Variants in SERTAD4 observed in about 807,000 individuals in gnomAD.
SERTAD4 encodes the protein SERTA domain-containing protein 4.
Under a neutral mutation model 32.9 loss-of-function variants are expected in SERTAD4, and 18 were observed. The ratio of observed to expected loss-of-function variants is 0.55; its 90% CI spans 0.38 to 0.81. The LOEUF is 0.81. Among genes scored for constraint, SERTAD4 ranks in the 30% least tolerant of loss-of-function variants. The probability of loss-of-function intolerance (pLI) is 0.00; values close to 1 mark genes in which losing one functional copy is unlikely to be tolerated. For synonymous variants in SERTAD4, 150 were observed against 156.4 expected (o/e 0.96, Z 0.30); for missense variants, 383 against 426.0 (o/e 0.90, Z 0.89).
chr1:210,244,983 G>A lies in SERTAD4; in HGVS notation c.*2646G>A, dbSNP rs1433961572. On this transcript the variant is annotated 3_prime_UTR_variant, in exon 4 of 4. Coordinates refer to ENST00000367012, the MANE Select transcript of SERTAD4 (RefSeq NM_019605.5). Reference sequence around the variant, plus strand: ...AATTCTCTTGTTAGTAGGCGAGAGTGCTAGGACTTCCTGTGTTCACCTCCC... The same window carrying A: ...AATTCTCTTGTTAGTAGGCGAGAGTACTAGGACTTCCTGTGTTCACCTCCC... 1 of 152,184 alleles carries A rather than the reference G, an allele frequency of 6.6e-6. No individual in the cohort carries two copies. The highest frequency in any genetic ancestry group is 1.5e-5 in the Non-Finnish European group (1 of 68,028). The allele number at this position is 152,184 out of a possible 1,614,324, so 9.4% of individuals were successfully genotyped here. A position where few individuals can be genotyped will look rare whatever the true frequency, so the allele number is the denominator to read the frequency against.
At chr1:210,246,598 A>T (rs1163868770), downstream of SERTAD4, 9 of 985,308 alleles carry the variant, frequency 9.1e-6, no homozygotes, top group Admixed American at 1.2e-4. Context: ...AAGAACGATG[A>T]CTAAACGAAG....
intron 1 of SERTAD4, chr1:210,234,146 G>A (rs1394830726): frequency 4.0e-6 from 1 of 248,678 alleles, no homozygotes; most frequent in East Asian, 1.7e-4. Flanking sequence ...GGCCGACCGG[G>A]CGCTGCTGGC....
rs1184573258 is a variant in SERTAD4, at chr1:210,244,618, G to A, written c.*2281G>A. The A allele has an allele frequency of 6.6e-6, 1 of 152,110 alleles. No individual in the cohort carries two copies. The highest frequency in any genetic ancestry group is 1.5e-5 in the Non-Finnish European group (1 of 68,028). The allele number at this position is 152,110 out of a possible 1,614,324, so 9.4% of individuals were successfully genotyped here. A position where few individuals can be genotyped will look rare whatever the true frequency, so the allele number is the denominator to read the frequency against. ...CAAATGTAGCATTCTTATTATGAGT[G>A]TAATATCTCATGGAGATTTAAATAT... On this transcript the variant is annotated 3_prime_UTR_variant, in exon 4 of 4. Coordinates refer to ENST00000367012, the MANE Select transcript of SERTAD4 (RefSeq NM_019605.5).
At position 210,241,657 on chromosome 1, in the gene SERTAD4, C is replaced by T. The variant is rs2147849377; in HGVS notation, c.391C>T (p.Leu131Phe). The T allele has an allele frequency of 6.2e-7, 1 of 1,613,760 alleles. No individual in the cohort carries two copies. The highest frequency in any genetic ancestry group is 8.5e-7 in the Non-Finnish European group (1 of 1,179,972). Reference protein sequence around the residue: ...DPEVYLRRSVLINNLMKRIHG... With the variant: ...DPEVYLRRSVFINNLMKRIHG... The stretch of plus-strand genomic sequence containing the variant: ...TGAAGTGTACCTCCGAAGATCTGTC[C>T]TTATAAACAATTTGATGAAAAGGAT... Residue 131 changes from leucine to phenylalanine, a missense_variant, in exon 4 of 4, where the codon CTT (leucine) becomes TTT (phenylalanine). By Grantham distance (22) the Leu-to-Phe change is conservative. Around this residue, in one of 3 missense-constraint regions of SERTAD4, gnomAD observed 107 missense variants for 158.8 expected, o/e 0.67. Transcript: ENST00000367012.
chr1:210,241,919 C>T lies in SERTAD4; in HGVS notation c.653C>T (p.Ser218Phe), dbSNP rs746720364. 27 of 1,614,058 alleles carry T rather than the reference C, an allele frequency of 1.7e-5. No individual in the cohort carries two copies. The Admixed American group carries it at 3.8e-4, about 23-fold the overall frequency. Reference protein sequence around the residue: ...ANVGSASTAASSPSASSSSSS... With the variant: ...ANVGSASTAAFSPSASSSSSS... ...GTTGGAAGTGCCTCCACTGCTGCCTCCTCTCCCTCCGCCTCTTCTTCCTCC... is the reference window on the plus strand; with the variant it reads ...GTTGGAAGTGCCTCCACTGCTGCCTTCTCTCCCTCCGCCTCTTCTTCCTCC... The change falls in exon 4 of 4, where the codon TCC becomes TTC. Residue 218 changes from serine to phenylalanine, a missense_variant. Ser to Phe is a radical substitution (Grantham distance 155, BLOSUM62 -2). This residue lies in a region of SERTAD4 where 180 missense variants were observed against 190.6 expected (regional missense o/e 0.94). Coordinates refer to ENST00000367012, the MANE Select transcript of SERTAD4 (RefSeq NM_019605.5).
chr1:210,241,526 G>GTTTTTTTTT, intron 3 of SERTAD4, 32 bp from the exon 4 acceptor site: 1 of 1,431,922 alleles, frequency 7.0e-7, no homozygotes. Context: ...TTTTCTGTTT[G>GTTTTTTTTT]TTTTTTTCTT....
intron 1 of SERTAD4, among the ~76,000 whole-genome samples, chr1:210,235,139 A>G (rs2083928550): frequency 6.6e-6 from 1 of 152,226 alleles, no homozygotes; most frequent in African/African-American, 2.4e-5. Context: ...TAGAAAATAA[A>G]TTTTGCCATA....
chr1:210,239,521 TATAACA>T lies in SERTAD4; in HGVS notation c.206_211del (p.Ile69_Thr70del), dbSNP rs757359952. On this transcript the variant is annotated inframe_deletion, in exon 3 of 4. Transcript: ENST00000367012. ...CACATTACAGGGGAATTTCAAATCCTATAACAACATCCAAGATCACATACTTTAAGA... is the reference window on the plus strand; with the variant it reads ...CACATTACAGGGGAATTTCAAATCCTACATCCAAGATCACATACTTTAAGA... 4 of 1,607,410 alleles carry T rather than the reference TATAACA, an allele frequency of 2.5e-6. No homozygotes were observed.
At position 210,241,546 on chromosome 1, in the gene SERTAD4, TTTG is replaced by T; in HGVS notation, c.292-11_292-9del. ...TGTTTGTTTTTTTCTTTTTTTTTTT[TTTG>T]GTTTGTAGACCATCTCAATTTTTGA... On this transcript the variant is annotated splice_polypyrimidine_tract_variant and intron_variant, in intron 3 of 3. Transcript: ENST00000367012. 17 of 1,487,298 alleles carry T rather than the reference TTTG, an allele frequency of 1.1e-5. No individual in the cohort carries two copies. The highest frequency in any genetic ancestry group is 2.1e-4 in the Middle Eastern group (1 of 4,782). 92.1% of individuals were successfully genotyped at this position (1,487,298 alleles called of 1,614,324 possible).
At chr1:210,241,534 C>CTTTTTTTTTTTTTTTTTTTTTTTT in intron 3 of SERTAD4, 24 bp from the exon 4 acceptor site, 1 of 1,110,534 alleles carries the variant, frequency 9.0e-7, no homozygotes, top group South Asian at 2.2e-5. Context: ...TTGTTTTTTT[C>CTTTTTTTTTTTTTTTTTTTTTTTT]TTTTTTTTTT....
In SERTAD4 at chr1:210,243,281, C is replaced by G; in HGVS notation, c.*944C>G. The G allele has an allele frequency of 2.8e-6, 1 of 361,220 alleles. No individual in the cohort carries two copies. Among genetic ancestry groups the G allele is most frequent in the Non-Finnish European group, 3.8e-6 (1 of 260,708 alleles). The allele number at this position is 361,220 out of a possible 1,614,324, so 22.4% of individuals were successfully genotyped here. A position where few individuals can be genotyped will look rare whatever the true frequency, so the allele number is the denominator to read the frequency against. On this transcript the variant is annotated 3_prime_UTR_variant, in exon 4 of 4. Transcript: ENST00000367012. ...GAGAGAGAGAGCTGTTAGAAAGCAG[C>G]ACGGGCTGCTCGAGCTTTTCTATGG... is the stretch of plus-strand genomic sequence containing the variant.
In SERTAD4 at chr1:210,242,989, G is replaced by C; in HGVS notation, c.*652G>C. ...TGATGGGTGATGAGGCTTTTAGAGAGGTGTTATACAGGGCGATTTTTGGTG... is the reference window on the plus strand; with the variant it reads ...TGATGGGTGATGAGGCTTTTAGAGACGTGTTATACAGGGCGATTTTTGGTG... On this transcript the variant is annotated 3_prime_UTR_variant, in exon 4 of 4. Transcript: ENST00000367012. The surrounding 1 kb of genome is among the most constrained non-coding windows in gnomAD (Gnocchi z 4.0). The C allele has an allele frequency of 1.0e-6, 1 of 983,814 alleles. No individual in the cohort carries two copies. The highest frequency in any genetic ancestry group is 1.2e-6 in the Non-Finnish European group (1 of 829,602). The allele number at this position is 983,814 out of a possible 1,614,324, so 60.9% of individuals were successfully genotyped here.
rs1234678233 is a variant in SERTAD4, at chr1:210,241,703, A to G, written c.437A>G (p.Gln146Arg). 2 of 1,614,146 alleles carry G rather than the reference A, an allele frequency of 1.2e-6. No homozygotes were observed. Among genetic ancestry groups the G allele is most frequent in the Non-Finnish European group, 8.5e-7 (1 of 1,180,024 alleles). ...AGGATCCATGGAGAAATTATCATGC[A>G]GAATAACTGGTGCTTCCCTGCCTGC... ...MKRIHGEIIM[Q>R]NNWCFPACSF... The change falls in exon 4 of 4, where the codon CAG becomes CGG. Residue 146 changes from glutamine to arginine, a missense_variant. Gln to Arg is a conservative substitution (Grantham distance 43). Transcript: ENST00000367012.
At position 210,245,056 on chromosome 1, in the gene SERTAD4, C is replaced by G. The variant is rs1189429758; in HGVS notation, c.*2719C>G. On this transcript the variant is annotated 3_prime_UTR_variant, in exon 4 of 4. Transcript: ENST00000367012. ...TGCATGAGATATTCCATTAGATTTT[C>G]CTAGAGTGGCCAGGACACCCTTCAT... 6.6e-6 allele frequency: 1 copy of G among 152,156 alleles called. No individual in the cohort carries two copies. Among genetic ancestry groups the G allele is most frequent in the African/African-American group, 2.4e-5 (1 of 41,436 alleles). 9.4% of individuals were successfully genotyped at this position (152,156 alleles called of 1,614,324 possible). A position where few individuals can be genotyped will look rare whatever the true frequency, so the allele number is the denominator to read the frequency against.
At chr1:210,233,872 GC>G in intron 1 of SERTAD4, 1 of 463,212 alleles carries the variant, frequency 2.2e-6, no homozygotes, top group Non-Finnish European at 4.5e-6. Context: ...GACATCTGCT[GC>G]GGGCTGGAGC....
Position 210,243,182 on chromosome 1 carries a change from G to C in SERTAD4, c.*845G>C. ...AACTATTGTGTTCAGCTTTTGATTC[G>C]ACATCTCTATTCTTTATTTTTGATG... On this transcript the variant is annotated 3_prime_UTR_variant, in exon 4 of 4. Transcript: ENST00000367012. 2 of 947,652 alleles carry C rather than the reference G, an allele frequency of 2.1e-6. No homozygotes were observed. The highest frequency in any genetic ancestry group is 4.9e-5 in the South Asian group (1 of 20,410). The allele number at this position is 947,652 out of a possible 1,614,324, so 58.7% of individuals were successfully genotyped here.
At position 210,243,411 on chromosome 1, in the gene SERTAD4, TC is replaced by T. The variant is rs2084019852; in HGVS notation, c.*1075del. ...ACCAGTGGCATGCATTATACTTTTCTCTGTTTTGCATCATTTCACTTGTTTA... is the reference window on the plus strand; with the variant it reads ...ACCAGTGGCATGCATTATACTTTTCTTGTTTTGCATCATTTCACTTGTTTA... On this transcript the variant is annotated 3_prime_UTR_variant, in exon 4 of 4. Transcript: ENST00000367012. The T allele has an allele frequency of 6.6e-6, 1 of 152,350 alleles. No homozygotes were observed. Among genetic ancestry groups the T allele is most frequent in the Non-Finnish European group, 1.5e-5 (1 of 68,178 alleles). The allele number at this position is 152,350 out of a possible 1,614,324, so 9.4% of individuals were successfully genotyped here. A position where few individuals can be genotyped will look rare whatever the true frequency, so the allele number is the denominator to read the frequency against.
At position 210,242,318 on chromosome 1, in the gene SERTAD4, G is replaced by C; in HGVS notation, c.1052G>C (p.Ser351Thr). The C allele has an allele frequency of 6.4e-7, 1 of 1,574,606 alleles. No homozygotes were observed. Among genetic ancestry groups the C allele is most frequent in the Admixed American group, 1.9e-5 (1 of 51,952 alleles). ...CCACCAAGTAACAAACTGTGCTGCAGCAAAGGAAGTAAAATATGAGCCATC... is the reference window on the plus strand; with the variant it reads ...CCACCAAGTAACAAACTGTGCTGCACCAAAGGAAGTAAAATATGAGCCATC... ...ASPPSNKLCC[S>T]KGSKI Residue 351 changes from serine (S) to threonine (T), a missense_variant, in exon 4 of 4, where the codon AGC (serine) becomes ACC (threonine). By Grantham distance (58) the Ser-to-Thr change is moderately conservative. Around this residue, in one of 3 missense-constraint regions of SERTAD4, gnomAD observed 180 missense variants for 190.6 expected, o/e 0.94. Coordinates refer to ENST00000367012, the MANE Select transcript of SERTAD4 (RefSeq NM_019605.5). The surrounding 1 kb of genome is among the most constrained non-coding windows in gnomAD (Gnocchi z 4.0).
intron 1 of SERTAD4, chr1:210,233,638 C>T (rs1183226586): frequency 4.3e-6 from 2 of 468,506 alleles, no homozygotes; most frequent in Non-Finnish European, 8.8e-6. Flanking sequence ...AGCTCACCTC[C>T]TCGGCGGGCT....
Sources: allele counts gnomAD v4.1 joint callset (sites outside exome capture counted in the v4.1 genomes callset), GRCh38; gene constraint gnomAD v4.1.1; regional missense constraint gnomAD v4.1.1; non-coding constraint Gnocchi (gnomAD v3.1); transcripts MANE v1.5; gene names NCBI Gene and HGNC (gene_info 2026-07-23, HGNC 2026-07-21).